The following CMTM4 variants were observed in gnomAD, a reference collection of about 807,000 sequenced individuals.
CMTM4 encodes CKLF-like MARVEL transmembrane domain-containing protein 4.
Under a neutral mutation model 19.0 loss-of-function variants are expected in CMTM4, and 8 were observed. The ratio of observed to expected loss-of-function variants is 0.42; its 90% CI spans 0.25 to 0.76. The LOEUF is 0.76. Among genes scored for constraint, CMTM4 ranks in the 30% least tolerant of loss-of-function variants. The pLI is 0.27. For missense variants in CMTM4, 228 were observed against 290.2 expected, an observed-to-expected ratio of 0.79 and a Z score of 1.56; for synonymous variants, 106 against 121.1, an observed-to-expected ratio of 0.88 and a Z score of 0.82.
In CMTM4 at chr16:66,620,940, T is replaced by G. The variant is rs55696119; in HGVS notation, c.*1118A>C. 1.0e-5 allele frequency: 10 copies of G among 985,774 alleles called. No homozygotes were observed. Among genetic ancestry groups the G allele is most frequent in the Non-Finnish European group, 1.2e-5 (10 of 829,924 alleles). 61.1% of individuals were successfully genotyped at this position (985,774 alleles called of 1,614,324 possible). On this transcript the variant is annotated 3_prime_UTR_variant, in exon 4 of 4. Transcript: ENST00000394106. ...AGAAACCTTAAGTAGCTAGGATTTTTCCCCCCAACAACTCCCAAGAATGAT... is the reference window on the plus strand; with the variant it reads ...AGAAACCTTAAGTAGCTAGGATTTTGCCCCCCAACAACTCCCAAGAATGAT...
At chr16:66,662,732 G>C (rs993007951) in intron 1 of CMTM4, among the ~76,000 whole-genome samples, 15 of 152,142 alleles carry the variant, frequency 9.9e-5, no homozygotes, top group South Asian at 2.1e-4. Context: ...AACAGAGTAG[G>C]GTAACTAAAG....
chr16:66,621,296 A>C lies in CMTM4; in HGVS notation c.*762T>G. ...TTCATGGCTTTTACCTGAGAAGGTA[A>C]AATGACTGAAAATCTGCAATTCAGC... On this transcript the variant is annotated 3_prime_UTR_variant, in exon 4 of 4. Coordinates refer to ENST00000394106, the MANE Select transcript of CMTM4 (RefSeq NM_181521.3). 1.0e-6 allele frequency: 1 copy of C among 985,590 alleles called. No homozygotes were observed. The highest frequency in any genetic ancestry group is 1.2e-6 in the Non-Finnish European group (1 of 829,940). The allele number at this position is 985,590 out of a possible 1,614,324, so 61.1% of individuals were successfully genotyped here.
chr16:66,679,994 G>C (rs1411423651), intron 1 of CMTM4, among the ~76,000 whole-genome samples: 1 of 152,092 alleles, frequency 6.6e-6, no homozygotes, highest in Non-Finnish European at 1.5e-5. Context: ...TTCTGTTTCT[G>C]CATCTGTAAA....
chr16:66,647,988 T>C (rs2016237268), intron 1 of CMTM4, among the ~76,000 whole-genome samples: 2 of 152,250 alleles, frequency 1.3e-5, no homozygotes, highest in South Asian at 4.1e-4. Context: ...TCTCATCCTA[T>C]AAAAGACAGC....
chr16:66,617,064 C>A lies in CMTM4; in HGVS notation c.*4994G>T. On this transcript the variant is annotated 3_prime_UTR_variant, in exon 4 of 4. Coordinates refer to ENST00000394106, the MANE Select transcript of CMTM4 (RefSeq NM_181521.3). ...TCTGAGATATGTTCTTACTCCTAAA[C>A]TCAAACTTTAAAAGTTTCAATAGCT... The A allele has an allele frequency of 2.2e-6, 1 of 456,146 alleles. No individual in the cohort carries two copies. The highest frequency in any genetic ancestry group is 2.0e-5 in the African/African-American group (1 of 50,846). The allele number at this position is 456,146 out of a possible 1,614,324, so 28.3% of individuals were successfully genotyped here.
At chr16:66,674,743 T>C (rs1432610822) in intron 1 of CMTM4, among the ~76,000 whole-genome samples, 1 of 143,884 alleles carries the variant, frequency 7.0e-6, no homozygotes, top group Non-Finnish European at 1.5e-5. Flanking sequence ...TTTTTTTTTT[T>C]TTTTTTTTTT....
intron 1 of CMTM4, among the ~76,000 whole-genome samples, chr16:66,653,862 G>A (rs2016353942): frequency 3.3e-5 from 5 of 152,134 alleles, no homozygotes; most frequent in African/African-American, 2.4e-5. Flanking sequence ...AGCCACCCGA[G>A]TAGCTGGGAT....
intron 1 of CMTM4, among the ~76,000 whole-genome samples, chr16:66,649,040 A>T (rs1596930693): frequency 6.6e-6 from 1 of 152,230 alleles, no homozygotes; most frequent in African/African-American, 2.4e-5. Context: ...ACTATGTTCT[A>T]AACAGTGACT....
Position 66,691,482 on chromosome 16 carries a change from C to A in CMTM4, c.186+4858G>T, listed in dbSNP as rs150500058. ...TTGGGAAGCCGAAGAGGAAGGATTG[C>A]TTGAGCTCACGAGTTTGAAACCAAC... On this transcript the variant is annotated intron_variant, in intron 1 of 3. Transcript: ENST00000394106. 3.1e-3 allele frequency among the ~76,000 whole-genome samples: 470 copies of A among 152,192 alleles called. 1 individual carries two copies. Among genetic ancestry groups the A allele is most frequent in the African/African-American group, 0.01 (429 of 41,524 alleles).
At chr16:66,692,021 T>C (rs572260206) in intron 1 of CMTM4, among the ~76,000 whole-genome samples, 6 of 152,284 alleles carry the variant, frequency 3.9e-5, no homozygotes, top group African/African-American at 1.4e-4. Flanking sequence ...GGCAGTCTCA[T>C]TTTACCGAAA....
At chr16:66,674,732 CTTTTTTTTTTTTT>C (rs771044359) in intron 1 of CMTM4, among the ~76,000 whole-genome samples, 4 of 92,486 alleles carry the variant, frequency 4.3e-5, no homozygotes, top group Non-Finnish European at 8.6e-5. Flanking sequence ...GTTACATATT[CTTTTTTTTTTTTT>C]TTTTTTTTTT....
chr16:66,601,604 C>A, the CMTM4 span, among the ~76,000 whole-genome samples: 1 of 152,220 alleles, frequency 6.6e-6, no homozygotes, highest in Non-Finnish European at 1.5e-5. Flanking sequence ...TTCAGGCCCT[C>A]CCTGGCCCAA....
At chr16:66,613,158 T>C, downstream of CMTM4, 1 of 702,676 alleles carries the variant, frequency 1.4e-6, no homozygotes, top group Non-Finnish European at 2.6e-6. Flanking sequence ...GGAGCACCAG[T>C]TCCCTCTTCA....
rs571344581 is a variant in CMTM4 at position 66,619,492 on chromosome 16, G to T, written c.*2566C>A. 1.0e-6 allele frequency: 1 copy of T among 985,338 alleles called. No homozygotes were observed. The highest frequency in any genetic ancestry group is 1.1e-4 in the East Asian group (1 of 8,812). 61.0% of individuals were successfully genotyped at this position (985,338 alleles called of 1,614,324 possible). ...AAATGCCCCAAACCAAACTGATATT[G>T]GTCCCTATTGAAACTATTAAACGCA... On this transcript the variant is annotated 3_prime_UTR_variant, in exon 4 of 4. Coordinates refer to ENST00000394106, the MANE Select transcript of CMTM4 (RefSeq NM_181521.3).
intron 1 of CMTM4, among the ~76,000 whole-genome samples, chr16:66,670,899 T>C (rs1249471261): frequency 1.3e-5 from 2 of 152,108 alleles, no homozygotes; most frequent in Non-Finnish European, 2.9e-5. Flanking sequence ...TTTTTACAAG[T>C]ATGCGCATGG....
At chr16:66,681,665 C>T (rs1427672055) in intron 1 of CMTM4, among the ~76,000 whole-genome samples, 2 of 152,152 alleles carry the variant, frequency 1.3e-5, no homozygotes, top group South Asian at 4.1e-4. Context: ...TCAATTCGTA[C>T]CAGCCACATT....
At chr16:66,670,078 A>G (rs1317775667) in intron 1 of CMTM4, among the ~76,000 whole-genome samples, 1 of 152,184 alleles carries the variant, frequency 6.6e-6, no homozygotes, top group African/African-American at 2.4e-5. Context: ...GAGAGAGTCT[A>G]CTACATGGAG....
At chr16:66,608,788 C>T in the CMTM4 span, among the ~76,000 whole-genome samples, 2 of 152,320 alleles carry the variant, frequency 1.3e-5, no homozygotes, top group Non-Finnish European at 2.9e-5. This position sits in a 1 kb window ranked among gnomAD's most constrained non-coding sequence, Gnocchi z 5.1. Context: ...GCCATTTCCA[C>T]GTGGGCAGGA....
chr16:66,633,117 A>AT lies in CMTM4; in HGVS notation c.363+3287_363+3288insA, dbSNP rs1491383688. On this transcript the variant is annotated intron_variant, in intron 2 of 3. Transcript: ENST00000394106. ...TATATATATAAATATATATATATAT[A>AT]AATATATATATATAAATATATATAT... 7.1e-3 allele frequency among the ~76,000 whole-genome samples: 549 copies of AT among 77,168 alleles called. 4 individuals are homozygous for AT. The highest frequency in any genetic ancestry group is 0.033 in the Admixed American group (230 of 7,032). 50.6% of individuals were successfully genotyped at this position (77,168 alleles called of 152,430 possible).
Sources: gnomAD v4.1 joint callset for allele counts (sites outside exome capture counted in the v4.1 genomes callset) on GRCh38, gnomAD v4.1.1 for gene constraint, Gnocchi (gnomAD v3.1) non-coding constraint, MANE v1.5 for transcripts, NCBI Gene and HGNC (gene_info 2026-07-23, HGNC 2026-07-21) for gene names.